PARD3B: variants seen among roughly 807,000 people sequenced by gnomAD.
The protein encoded by PARD3B is partitioning defective 3 homolog B.
A neutral mutation model predicts 130.2 loss-of-function variants in PARD3B; 103 were observed. The observed-to-expected ratio is 0.79, with a 90% CI of 0.67 to 0.93. PARD3B has a LOEUF of 0.93. Ranked by LOEUF, PARD3B falls within the 40% of genes least tolerant of loss-of-function variation. The pLI, the probability that PARD3B is intolerant of heterozygous loss-of-function variation, is 0.00. For missense variants in PARD3B, 1,609 were observed against 1,499.2 expected (o/e 1.07, Z -1.21); for synonymous variants, 583 against 553.2 (o/e 1.05, Z -0.76).
intron 18 of PARD3B, among the ~76,000 whole-genome samples, chr2:205,399,768 A>G (rs184198598): frequency 6.6e-6 from 1 of 152,210 alleles, no homozygotes; most frequent in Non-Finnish European, 1.5e-5. Context: ...AACTATATAC[A>G]TCCCAGGCAC....
At chr2:205,210,214 T>A (rs1047484810) in intron 15 of PARD3B, among the ~76,000 whole-genome samples, 3 of 151,824 alleles carry the variant, frequency 2.0e-5, no homozygotes, top group Non-Finnish European at 4.4e-5. Context: ...AAAAAAATTT[T>A]AAAAATAAAT....
At position 204,628,278 on chromosome 2, in the gene PARD3B, G is replaced by GTT. The variant is rs35913282; in HGVS notation, c.121-57892_121-57891dup. On this transcript the variant is annotated intron_variant, in intron 1 of 22. Transcript: ENST00000406610. ...GTCTGTGTGTTAATTCTAAATTCCC[G>GTT]TTTTTTTTTTTTAATTAACTTTAGA... Among the ~76,000 whole-genome samples, 771 of 147,106 alleles carry GTT rather than the reference G, an allele frequency of 5.2e-3. 3 individuals are homozygous for GTT. The highest frequency in any genetic ancestry group is 9.8e-3 in the African/African-American group (391 of 40,026).
rs1367100803 is a variant in PARD3B at position 205,440,407 on chromosome 2, G to A, written c.2779G>A (p.Ala927Thr). Residue 927 changes from alanine to threonine, a missense_variant, in exon 20 of 23, where the codon GCA becomes ACA. Ala to Thr is a moderately conservative substitution (Grantham distance 58, BLOSUM62 0). Transcript: ENST00000406610. The surrounding 1 kb of genome is among the most constrained non-coding windows in gnomAD (Gnocchi z 4.2). ...AKHQELREKQ[A>T]RGLLDYATGA... Reference sequence around the variant, plus strand: ...ACATCAGGAGCTAAGGGAAAAGCAGGCAAGAGGTCTTCTTGATTATGCTAC... The same window carrying A: ...ACATCAGGAGCTAAGGGAAAAGCAGACAAGAGGTCTTCTTGATTATGCTAC... 6 of 1,613,962 alleles carry A rather than the reference G, an allele frequency of 3.7e-6. No individual in the cohort carries two copies. Among genetic ancestry groups the A allele is most frequent in the Admixed American group, 1.7e-5 (1 of 60,002 alleles).
intron 4 of PARD3B, among the ~76,000 whole-genome samples, chr2:205,073,112 A>T (rs927226247): frequency 2.0e-5 from 3 of 152,186 alleles, no homozygotes; most frequent in Non-Finnish European, 4.4e-5. Context: ...AAGAACTAAG[A>T]TTTTGTTTTT....
At chr2:205,119,806 G>T (rs1429702545) in intron 7 of PARD3B, among the ~76,000 whole-genome samples, 1 of 151,982 alleles carries the variant, frequency 6.6e-6, no homozygotes, top group African/African-American at 2.4e-5. Context: ...AAATAATACT[G>T]TCTCCCTCAA....
chr2:205,324,773 G>A (rs538479959), intron 18 of PARD3B, among the ~76,000 whole-genome samples: 3 of 152,018 alleles, frequency 2.0e-5, no homozygotes, highest in Non-Finnish European at 4.4e-5. Context: ...CTTTCTCTGG[G>A]AGAGAAAGAG....
intron 2 of PARD3B, among the ~76,000 whole-genome samples, chr2:204,932,262 A>T (rs564667880): frequency 6.6e-6 from 1 of 152,252 alleles, no homozygotes; most frequent in East Asian, 1.9e-4. Context: ...GCTTCTTGCC[A>T]TAGTCTAGAT....
chr2:205,183,730 TTGTG>T lies in PARD3B; in HGVS notation c.1925-1993_1925-1990del, dbSNP rs71410805. Among the ~76,000 whole-genome samples the T allele has an allele frequency of 0.1, 14,155 of 138,110 alleles. 839 individuals are homozygous for T. Among genetic ancestry groups the T allele is most frequent in the East Asian group, 0.12 (531 of 4,518 alleles). The allele number at this position is 138,110 out of a possible 152,430, so 90.6% of individuals were successfully genotyped here. ...GGTTCTGCAGAGAAACAGAACCAAGTTGTGTGTGTGTGTGTGTGTGTGTGTGTGT... is the reference window on the plus strand; with the variant it reads ...GGTTCTGCAGAGAAACAGAACCAAGTTGTGTGTGTGTGTGTGTGTGTGTGT... On this transcript the variant is annotated intron_variant, in intron 13 of 22. Transcript: ENST00000406610. The surrounding 1 kb of genome is among the most constrained non-coding windows in gnomAD (Gnocchi z 5.2).
At chr2:205,095,423 T>C (rs1702337968) in intron 4 of PARD3B, among the ~76,000 whole-genome samples, 1 of 152,166 alleles carries the variant, frequency 6.6e-6, no homozygotes, top group Non-Finnish European at 1.5e-5. Flanking sequence ...AGAATTACTT[T>C]GTTGAACTTC....
intron 3 of PARD3B, among the ~76,000 whole-genome samples, chr2:205,046,132 C>T (rs1242898668): frequency 6.6e-6 from 1 of 152,016 alleles, no homozygotes; most frequent in African/African-American, 2.4e-5. Context: ...AATTGAGGGG[C>T]TTAATCTGAA....
intron 13 of PARD3B, among the ~76,000 whole-genome samples, chr2:205,178,743 G>T (rs944804215): frequency 6.6e-5 from 10 of 152,104 alleles, no homozygotes; most frequent in African/African-American, 2.4e-4. Flanking sequence ...AGTACCTTTT[G>T]TTTTTAATGT....
intron 3 of PARD3B, among the ~76,000 whole-genome samples, chr2:204,992,790 T>A (rs1035585038): frequency 3.5e-5 from 5 of 144,850 alleles, no homozygotes; most frequent in African/African-American, 1.3e-4. Context: ...AAGAGGTCCT[T>A]CCCATCCCTT....
chr2:204,820,359 G>C (rs1330139790), intron 2 of PARD3B, among the ~76,000 whole-genome samples: 2 of 151,646 alleles, frequency 1.3e-5, no homozygotes, highest in Admixed American at 6.6e-5. Context: ...TTACAGGCGT[G>C]AGCCACCATG....
chr2:205,131,492 G>A (rs1233356729), intron 10 of PARD3B, among the ~76,000 whole-genome samples: 1 of 152,134 alleles, frequency 6.6e-6, no homozygotes, highest in African/African-American at 2.4e-5. Flanking sequence ...AACTTCCAGA[G>A]ATGAAGCTAG....
At position 205,054,432 on chromosome 2, in the gene PARD3B, ATATATTTTTTTT is replaced by A. The variant is rs1420898932; in HGVS notation, c.504+6744_504+6755del. Among the ~76,000 whole-genome samples the A allele has an allele frequency of 8.0e-3, 247 of 30,986 alleles. 2 individuals are homozygous for A. Among genetic ancestry groups the A allele is most frequent in the African/African-American group, 0.017 (114 of 6,556 alleles). 20.3% of individuals were successfully genotyped at this position (30,986 alleles called of 152,430 possible). On this transcript the variant is annotated intron_variant, in intron 4 of 22. Coordinates refer to ENST00000406610, the MANE Select transcript of PARD3B (RefSeq NM_001302769.2). ...TATATATATATATATATATATATAT[ATATATTTTTTTT>A]TTTTTTTTTTTTTAATTATACTCTA... is the stretch of plus-strand genomic sequence containing the variant.
intron 2 of PARD3B, among the ~76,000 whole-genome samples, chr2:204,825,891 T>C (rs1176569276): frequency 2.0e-5 from 3 of 152,178 alleles, no homozygotes; most frequent in Non-Finnish European, 4.4e-5. Flanking sequence ...ATTTTCGTTG[T>C]TTTGGTTGTT....
At chr2:205,227,241 C>G (rs573718456) in intron 15 of PARD3B, among the ~76,000 whole-genome samples, 1 of 152,176 alleles carries the variant, frequency 6.6e-6, no homozygotes, top group African/African-American at 2.4e-5. Flanking sequence ...GTTGATTTTT[C>G]TGTCTCGATG....
intron 20 of PARD3B, among the ~76,000 whole-genome samples, chr2:205,476,935 A>G (rs190195828): frequency 3.7e-4 from 57 of 152,330 alleles, no homozygotes; most frequent in Admixed American, 3.7e-3. Flanking sequence ...GTATTCTGGT[A>G]GTGTAATGAA....
At chr2:204,579,180 G>A (rs912667535) in intron 1 of PARD3B, among the ~76,000 whole-genome samples, 2 of 151,816 alleles carry the variant, frequency 1.3e-5, no homozygotes, top group Admixed American at 6.6e-5. Context: ...AATCATGGCC[G>A]CCATTTTGTG....
Sources: gnomAD v4.1 joint callset for allele counts (sites outside exome capture counted in the v4.1 genomes callset) on GRCh38, gnomAD v4.1.1 for gene constraint, Gnocchi (gnomAD v3.1) non-coding constraint, MANE v1.5 for transcripts, NCBI Gene and HGNC (gene_info 2026-07-23, HGNC 2026-07-21) for gene names.